Variants in CROCC2 observed in about 807,000 individuals in gnomAD.
CROCC2 encodes the protein ciliary rootlet coiled-coil, rootletin family member 2, also known as ciliary rootlet coiled-coil protein 2.
A neutral mutation model predicts 177.6 loss-of-function variants in CROCC2; 163 were observed. That is an observed-to-expected ratio of 0.92 (90% CI 0.81 to 1.05). The LOEUF is 1.05. Ranked by LOEUF, CROCC2 falls within the 50% of genes least tolerant of loss-of-function variation. The pLI is 0.00. For missense variants in CROCC2, 1,929 were observed against 1,797.8 expected (o/e 1.07, Z -1.32); for synonymous variants, 904 against 787.3 (o/e 1.15, Z -2.48).
chr2:240,919,751 C>CCAAGTGCTCA (rs71049535), intron 2 of CROCC2, among the ~76,000 whole-genome samples: 1 of 151,890 alleles, frequency 6.6e-6, no homozygotes, highest in African/African-American at 2.4e-5. Context: ...CATTGGGGTT[C>CCAAGTGCTCA]GAGGTGGTAG....
chr2:240,991,664 T>TCCTCCCAGCCTGCCCCCGCCTGGCAC (rs1184403512), intron 31 of CROCC2, among the ~76,000 whole-genome samples: 14 of 151,864 alleles, frequency 9.2e-5, no homozygotes, highest in Admixed American at 5.9e-4. Context: ...GGCTTGGGCA[T>TCCTCCCAGCCTGCCCCCGCCTGGCAC]CCTCCCAGCC....
At chr2:240,974,525 CT>C (rs1024169347) in intron 27 of CROCC2, among the ~76,000 whole-genome samples, 11 of 68,498 alleles carry the variant, frequency 1.6e-4, no homozygotes, top group Non-Finnish European at 3.0e-4. Flanking sequence ...TATTTTCTTT[CT>C]TTTTTTTCTT....
rs945569501 is a variant in CROCC2 at position 240,958,653 on chromosome 2, G to A, written c.2944-648G>A. 7 of 918,606 alleles carry A rather than the reference G, an allele frequency of 7.6e-6. No individual in the cohort carries two copies. The South Asian group carries it at 3.5e-4, about 46-fold the overall frequency. The allele number at this position is 918,606 out of a possible 1,614,324, so 56.9% of individuals were successfully genotyped here. A position where few individuals can be genotyped will look rare whatever the true frequency, so the allele number is the denominator to read the frequency against. ...ACCCAGGGGTGCAGAGCCTGAGCAG[G>A]GCAGGGCTCGGACCCTTCATGTTGA... On this transcript the variant is annotated intron_variant, in intron 19 of 31. Transcript: ENST00000690015. This position sits in a 1 kb window ranked among gnomAD's most constrained non-coding sequence, Gnocchi z 6.7.
At chr2:240,970,616 C>T (rs552042722) in intron 27 of CROCC2, among the ~76,000 whole-genome samples, 7 of 152,346 alleles carry the variant, frequency 4.6e-5, no homozygotes, top group African/African-American at 1.2e-4. Context: ...CCCAGCTGCA[C>T]TGCTTCCACC....
At chr2:240,916,800 C>A (rs1417606226) in intron 1 of CROCC2, among the ~76,000 whole-genome samples, 1 of 152,178 alleles carries the variant, frequency 6.6e-6, no homozygotes, top group Non-Finnish European at 1.5e-5. Flanking sequence ...GAGCCCTTCC[C>A]AGTCTGGGGG....
chr2:240,972,367 G>A lies in CROCC2; in HGVS notation c.4401+4105G>A, dbSNP rs774767407. On this transcript the variant is annotated intron_variant, in intron 27 of 31. Transcript: ENST00000690015. This position sits in a 1 kb window ranked among gnomAD's most constrained non-coding sequence, Gnocchi z 7.1. ...CTGAAGTGGGCGGGGTGGGAGCGGC[G>A]CTCTCCGGTGCACGGTCACGGTGCG... Among the ~76,000 whole-genome samples, 15 of 151,946 alleles carry A rather than the reference G, an allele frequency of 9.9e-5. No homozygotes were observed. The highest frequency in any genetic ancestry group is 2.9e-4 in the African/African-American group (12 of 41,334).
intron 4 of CROCC2, among the ~76,000 whole-genome samples, chr2:240,923,268 C>G (rs985126642): frequency 8.1e-5 from 10 of 123,446 alleles, no homozygotes; most frequent in Admixed American, 3.4e-4. Context: ...GGGACAGAGC[C>G]CCCCCCGCCA....
In CROCC2 at chr2:240,918,848, C is replaced by A; in HGVS notation, c.201C>A (p.Ala67=). 1.5e-6 allele frequency: 1 copy of A among 658,768 alleles called. No individual in the cohort carries two copies. 40.8% of individuals were successfully genotyped at this position (658,768 alleles called of 1,614,324 possible). A position where few individuals can be genotyped will look rare whatever the true frequency, so the allele number is the denominator to read the frequency against. The stretch of plus-strand genomic sequence containing the variant: ...CCACCCGCATCCGTGAGATCGTGGC[C>A]GGCAGCCTGAGTGAGGAGCCACCCC... The part of the protein sequence containing the change: ...PVPTRIREIV[A]GSLSEEPPQA... Residue 67 remains alanine (A), a synonymous_variant, in exon 2 of 32, where the codon GCC becomes GCA. Transcript: ENST00000690015. The surrounding 1 kb of genome is among the most constrained non-coding windows in gnomAD (Gnocchi z 6.3).
At position 240,933,195 on chromosome 2, in the gene CROCC2, A is replaced by G. The variant is rs759394945; in HGVS notation, c.1316A>G (p.Glu439Gly). The change falls in exon 10 of 32, where the codon GAA (glutamate) becomes GGA (glycine). Residue 439 changes from glutamate to glycine, a missense_variant. By Grantham distance (98) the Glu-to-Gly change is moderately conservative (BLOSUM62 -2). This residue lies in a region of CROCC2 where 1,397 missense variants were observed against 1,239.9 expected (regional missense o/e 1.13). Transcript: ENST00000690015. ...LVASLQEQLS[E>G]SRRELWAAQK... ...GCCAGTCTCCAGGAGCAGCTGTCCG[A>G]AAGCCGGCGGGAGCTGTGGGCCGCA... The G allele has an allele frequency of 1.2e-5, 19 of 1,549,632 alleles. No individual in the cohort carries two copies. Among genetic ancestry groups the G allele is most frequent in the Middle Eastern group, 1.7e-4 (1 of 5,920 alleles).
chr2:240,939,495 T>TGGCCC (rs1553657993), intron 14 of CROCC2, among the ~76,000 whole-genome samples: 1 of 151,548 alleles, frequency 6.6e-6, no homozygotes, highest in South Asian at 2.1e-4. Context: ...AGAGTTGTGC[T>TGGCCC]CCTAAAATAC....
chr2:240,950,361 GAGA>G lies in CROCC2; in HGVS notation c.2683_2685del (p.Lys895del). Reference sequence around the variant, plus strand: ...GACCCTGAGCCTGACCCTGGCAGAGGAGAAGGAGGTAGCCAGATGCCAGCTGGA... The same window carrying G: ...GACCCTGAGCCTGACCCTGGCAGAGGAGGAGGTAGCCAGATGCCAGCTGGA... On this transcript the variant is annotated inframe_deletion, in exon 18 of 32. Transcript: ENST00000690015. 6.5e-7 allele frequency: 1 copy of G among 1,550,196 alleles called. No homozygotes were observed. Among genetic ancestry groups the G allele is most frequent in the South Asian group, 1.2e-5 (1 of 84,048 alleles).
chr2:240,960,650 G>A lies in CROCC2; in HGVS notation c.3087+1206G>A, dbSNP rs1429747632. On this transcript the variant is annotated intron_variant, in intron 20 of 31. Transcript: ENST00000690015. This position sits in a 1 kb window ranked among gnomAD's most constrained non-coding sequence, Gnocchi z 5.0. The stretch of plus-strand genomic sequence containing the variant: ...GCTGCTTGCCAAGGCTGGAGGCTGC[G>A]CAGCTGACCTGGTGCTGGAGCGAGC... 2.6e-5 allele frequency among the ~76,000 whole-genome samples: 4 copies of A among 152,182 alleles called. No individual in the cohort carries two copies. Among genetic ancestry groups the A allele is most frequent in the Non-Finnish European group, 4.4e-5 (3 of 68,020 alleles).
chr2:240,950,680 T>A (rs1288828631), intron 18 of CROCC2, 170 bp downstream of exon 18: 7 of 633,598 alleles, frequency 1.1e-5, no homozygotes, highest in African/African-American at 1.9e-5. Context: ...CCCACCTATC[T>A]GTTCATCCAG....
rs1251610416 is a variant in CROCC2, at chr2:240,973,909, T to C, written c.4401+5647T>C. On this transcript the variant is annotated intron_variant, in intron 27 of 31. Coordinates refer to ENST00000690015, the MANE Select transcript of CROCC2 (RefSeq NM_001351305.2). The surrounding 1 kb of genome is among the most constrained non-coding windows in gnomAD (Gnocchi z 4.7). ...TCTTGAGAGGTTCATTGAACTCCCC[T>C]GTACATATTCCGCAGCTGTCATCAT... Among the ~76,000 whole-genome samples the C allele has an allele frequency of 2.0e-5, 3 of 152,250 alleles. No individual in the cohort carries two copies. The highest frequency in any genetic ancestry group is 2.9e-5 in the Non-Finnish European group (2 of 68,042).
chr2:240,963,188 A>G (rs2059654642), intron 20 of CROCC2: 1 of 236,654 alleles, frequency 4.2e-6, no homozygotes, highest in South Asian at 1.3e-4. Flanking sequence ...CGCCGGGGGC[A>G]GGAGGTGGGA....
intron 7 of CROCC2, 111 bp downstream of exon 7, chr2:240,931,239 G>T: frequency 1.7e-6 from 1 of 605,378 alleles, no homozygotes; most frequent in Non-Finnish European, 3.0e-6. Context: ...TTCCAGGGCA[G>T]GTGGGGCCCT....
At chr2:240,926,589 G>GC (rs999546743) in intron 5 of CROCC2, among the ~76,000 whole-genome samples, 2 of 152,256 alleles carry the variant, frequency 1.3e-5, no homozygotes, top group Non-Finnish European at 2.9e-5. Flanking sequence ...AGGAAGACGG[G>GC]CCCCCCGGAA....
Position 240,960,608 on chromosome 2 carries a change from C to A in CROCC2, c.3087+1164C>A, listed in dbSNP as rs1470374285. On this transcript the variant is annotated intron_variant, in intron 20 of 31. Transcript: ENST00000690015. This position sits in a 1 kb window ranked among gnomAD's most constrained non-coding sequence, Gnocchi z 5.0. ...AGCGGGGCCCACGGGGACGGGGCGA[C>A]CTCGCACACTCCCTGGGCTGCTTGC... 2.6e-5 allele frequency among the ~76,000 whole-genome samples: 4 copies of A among 152,054 alleles called. No individual in the cohort carries two copies. The highest frequency in any genetic ancestry group is 9.7e-5 in the African/African-American group (4 of 41,414).
intron 5 of CROCC2, among the ~76,000 whole-genome samples, chr2:240,927,969 A>T (rs1295076628): frequency 1.3e-5 from 2 of 152,196 alleles, no homozygotes; most frequent in Non-Finnish European, 2.9e-5. Context: ...CACATTTTCA[A>T]GCCTTTTATT....
Sources: gnomAD v4.1 joint callset for allele counts (sites outside exome capture counted in the v4.1 genomes callset) on GRCh38, gnomAD v4.1.1 for gene constraint, gnomAD v4.1.1 regional missense constraint, Gnocchi (gnomAD v3.1) non-coding constraint, MANE v1.5 for transcripts, NCBI Gene and HGNC (gene_info 2026-07-23, HGNC 2026-07-21) for gene names.